The following PLS1 variants were observed in gnomAD, a reference collection of about 807,000 sequenced individuals.
The protein encoded by PLS1 is plastin-1.
PLS1 carries 32 observed loss-of-function variants against 73.7 expected under a neutral mutation model. The ratio of observed to expected loss-of-function variants is 0.43; its 90% CI spans 0.33 to 0.58. PLS1 has a LOEUF of 0.58. Among genes scored for constraint, PLS1 ranks in the 20% least tolerant of loss-of-function variants. The pLI is 0.04. For missense variants in PLS1, 633 were observed against 740.5 expected (o/e 0.85, Z 1.68); for synonymous variants, 217 against 261.3 (o/e 0.83, Z 1.63).
At chr3:142,685,884 G>A (rs938583370) in intron 8 of PLS1, among the ~76,000 whole-genome samples, 4 of 152,182 alleles carry the variant, frequency 2.6e-5, no homozygotes, top group African/African-American at 9.6e-5. Context: ...TGTGATCACT[G>A]TTTACTTATT....
At chr3:142,598,813 C>T (rs1432717550) in intron 1 of PLS1, among the ~76,000 whole-genome samples, 1 of 151,864 alleles carries the variant, frequency 6.6e-6, no homozygotes, top group East Asian at 1.9e-4. Flanking sequence ...CTGGCTAACA[C>T]GGTGAAACCC....
At chr3:142,604,013 T>C (rs2035975137) in intron 1 of PLS1, among the ~76,000 whole-genome samples, 2 of 152,136 alleles carry the variant, frequency 1.3e-5, no homozygotes, top group South Asian at 4.1e-4. Context: ...TACTCTATTA[T>C]TGAGGAACAC....
chr3:142,611,483 A>C (rs1235885230), intron 1 of PLS1, among the ~76,000 whole-genome samples: 1 of 152,128 alleles, frequency 6.6e-6, no homozygotes, highest in Admixed American at 6.6e-5. Flanking sequence ...TTAGCCAGAT[A>C]TTGTGGCATG....
intron 1 of PLS1, among the ~76,000 whole-genome samples, chr3:142,613,292 A>G (rs577398307): frequency 6.6e-6 from 1 of 152,106 alleles, no homozygotes; most frequent in South Asian, 2.1e-4. Context: ...AGCCTGGCCA[A>G]CGTGGTGGAA....
chr3:142,619,222 A>G (rs1260867416), intron 1 of PLS1, among the ~76,000 whole-genome samples: 2 of 152,200 alleles, frequency 1.3e-5, no homozygotes, highest in African/African-American at 4.8e-5. Flanking sequence ...AAGGAAGGCA[A>G]TTCACATTAA....
At chr3:142,601,119 G>C (rs2035920371) in intron 1 of PLS1, among the ~76,000 whole-genome samples, 1 of 149,168 alleles carries the variant, frequency 6.7e-6, no homozygotes, top group South Asian at 2.1e-4. Flanking sequence ...TAGAGACGGG[G>C]TTTCACTGTG....
intron 13 of PLS1, 58 bp from the exon 14 acceptor site, chr3:142,704,405 T>G: frequency 7.3e-7 from 1 of 1,374,802 alleles, no homozygotes. Flanking sequence ...TTGATATAAA[T>G]TATGTGAAAG....
chr3:142,641,764 C>CT (rs1437276944), intron 1 of PLS1, among the ~76,000 whole-genome samples: 2 of 152,016 alleles, frequency 1.3e-5, no homozygotes, highest in African/African-American at 4.8e-5. Flanking sequence ...TTCTTGGGTT[C>CT]TGGGTTTCTT....
chr3:142,656,251 T>C (rs142476302), intron 1 of PLS1, among the ~76,000 whole-genome samples: 6,722 of 152,246 alleles, frequency 0.044, 486 homozygotes, highest in African/African-American at 0.15. Context: ...CATGAGCCAC[T>C]GCACTCGACC....
chr3:142,663,564 T>C (rs373339421), intron 1 of PLS1, among the ~76,000 whole-genome samples: 1 of 152,224 alleles, frequency 6.6e-6, no homozygotes, highest in South Asian at 2.1e-4. Flanking sequence ...CTGGGTACAG[T>C]GGCACATGCC....
At chr3:142,643,841 T>G (rs1237234025) in intron 1 of PLS1, among the ~76,000 whole-genome samples, 11 of 150,386 alleles carry the variant, frequency 7.3e-5, no homozygotes, top group African/African-American at 2.7e-4. Context: ...TTTTTTTTTT[T>G]TTTTTGAAAT....
chr3:142,695,766 T>C (rs1303114188), intron 11 of PLS1, among the ~76,000 whole-genome samples: 1 of 7,130 alleles, frequency 1.4e-4, no homozygotes, highest in African/African-American at 2.7e-4. Context: ...ACTTACTTAT[T>C]TATTTATTTA....
At chr3:142,615,545 G>A (rs1044125433) in intron 1 of PLS1, among the ~76,000 whole-genome samples, 1 of 152,136 alleles carries the variant, frequency 6.6e-6, no homozygotes, top group Admixed American at 6.5e-5. Context: ...AATGGAGTTT[G>A]AAATGTCAAC....
intron 14 of PLS1, among the ~76,000 whole-genome samples, chr3:142,710,234 T>C (rs1001734885): frequency 1.3e-5 from 2 of 151,546 alleles, no homozygotes; most frequent in African/African-American, 2.4e-5. Context: ...CTAAAGCTGG[T>C]TTTCCTTTTG....
intron 1 of PLS1, among the ~76,000 whole-genome samples, chr3:142,609,447 T>C (rs1257491125): frequency 6.6e-6 from 1 of 152,196 alleles, no homozygotes; most frequent in East Asian, 1.9e-4. Flanking sequence ...AGCTCTGAAA[T>C]GCTTTGGCCT....
intron 1 of PLS1, among the ~76,000 whole-genome samples, chr3:142,602,396 T>C (rs1233838529): frequency 6.6e-6 from 1 of 152,158 alleles, no homozygotes; most frequent in Non-Finnish European, 1.5e-5. Context: ...GATCCACTGC[T>C]GGAAGCTCCT....
chr3:142,636,283 A>G (rs527893695), intron 1 of PLS1, among the ~76,000 whole-genome samples: 1 of 152,334 alleles, frequency 6.6e-6, no homozygotes, highest in Admixed American at 6.5e-5. Context: ...AAGTCCATAA[A>G]TAGGCTCACA....
At chr3:142,689,175 T>C (rs1176829349) in intron 9 of PLS1, among the ~76,000 whole-genome samples, 1 of 152,190 alleles carries the variant, frequency 6.6e-6, no homozygotes, top group East Asian at 1.9e-4. Flanking sequence ...GGCTCACGGC[T>C]ATAATCCCAG....
intron 2 of PLS1, among the ~76,000 whole-genome samples, chr3:142,664,700 A>T (rs780071522): frequency 2.6e-5 from 4 of 152,238 alleles, no homozygotes; most frequent in Non-Finnish European, 5.9e-5. Flanking sequence ...GAATATTTTT[A>T]AAATCTCAGT....
Sources: allele counts gnomAD v4.1 joint callset (sites outside exome capture counted in the v4.1 genomes callset), GRCh38; gene constraint gnomAD v4.1.1; transcripts MANE v1.5; gene names NCBI Gene and HGNC (gene_info 2026-07-23, HGNC 2026-07-21).